Variants in ESRRG observed in about 807,000 individuals in gnomAD.
ESRRG encodes estrogen related receptor gamma.
A neutral mutation model predicts 44.0 loss-of-function variants in ESRRG; 13 were observed. The ratio of observed to expected loss-of-function variants is 0.30; its 90% CI spans 0.19 to 0.47. The LOEUF (loss-of-function observed/expected upper bound fraction) is 0.47, where lower values mean the gene tolerates loss of function less well. ESRRG is among the 20% of genes least tolerant of loss of function. The probability of loss-of-function intolerance (pLI) is 1.00; values close to 1 mark genes in which losing one functional copy is unlikely to be tolerated. For missense variants in ESRRG, 395 were observed against 580.6 expected (o/e 0.68, Z 3.29); for synonymous variants, 215 against 214.6 (o/e 1.00, Z -0.02).
At chr1:216,666,274 A>G (rs2073899555) in intron 2 of ESRRG, among the ~76,000 whole-genome samples, 1 of 152,256 alleles carries the variant, frequency 6.6e-6, no homozygotes, top group African/African-American at 2.4e-5. Flanking sequence ...TCCTACATTT[A>G]GAGTGAACAT....
Position 216,506,858 on chromosome 1 carries a change from C to G in ESRRG, c.*81G>C. 1 of 1,495,340 alleles carries G rather than the reference C, an allele frequency of 6.7e-7. No individual in the cohort carries two copies. Among genetic ancestry groups the G allele is most frequent in the Non-Finnish European group, 9.0e-7 (1 of 1,106,650 alleles). 92.6% of individuals were successfully genotyped at this position (1,495,340 alleles called of 1,614,324 possible). ...TTGATTTTTGATGTTGTTAACTAAA[C>G]TCTAAGTTTCTTCGACATCACTCTT... is the stretch of plus-strand genomic sequence containing the variant. On this transcript the variant is annotated 3_prime_UTR_variant, in exon 7 of 7. Coordinates refer to ENST00000408911, the MANE Select transcript of ESRRG (RefSeq NM_001438.4).
At chr1:217,043,657 T>A (rs1579986903) in intron 1 of ESRRG, among the ~76,000 whole-genome samples, 2 of 151,420 alleles carry the variant, frequency 1.3e-5, no homozygotes, top group Middle Eastern at 3.4e-3. Flanking sequence ...TAATGGGGAT[T>A]TTTTTGCACC....
At chr1:216,874,834 A>G (rs936214325) in intron 2 of ESRRG, among the ~76,000 whole-genome samples, 3 of 152,180 alleles carry the variant, frequency 2.0e-5, no homozygotes, top group African/African-American at 7.2e-5. Context: ...AAGATGGAAG[A>G]GCAGACTTGC....
intron 1 of ESRRG, among the ~76,000 whole-genome samples, chr1:217,063,678 G>A (rs2089040014): frequency 6.6e-6 from 1 of 152,182 alleles, no homozygotes. Context: ...GAGCACCACA[G>A]GGTGGGAAGA....
intron 1 of ESRRG, among the ~76,000 whole-genome samples, chr1:216,705,352 GA>G (rs71556662): frequency 0.16 from 23,963 of 151,432 alleles, 2,328 homozygotes; most frequent in South Asian, 0.33. Context: ...ATCTAGTAAG[GA>G]AAAAAAGGAC....
intron 2 of ESRRG, among the ~76,000 whole-genome samples, chr1:216,920,308 A>G (rs545007301): frequency 1.1e-4 from 16 of 152,236 alleles, no homozygotes; most frequent in Non-Finnish European, 2.2e-4. Flanking sequence ...GAGTTGATCA[A>G]GATAATCAAC....
At chr1:216,872,633 A>G (rs1404482242) in intron 2 of ESRRG, among the ~76,000 whole-genome samples, 1 of 152,094 alleles carries the variant, frequency 6.6e-6, no homozygotes, top group Non-Finnish European at 1.5e-5. Flanking sequence ...GTATTCTTCA[A>G]TTCTAAAATT....
At chr1:216,556,066 C>T (rs1436930496) in intron 5 of ESRRG, among the ~76,000 whole-genome samples, 1 of 152,136 alleles carries the variant, frequency 6.6e-6, no homozygotes, top group Non-Finnish European at 1.5e-5. Context: ...CTTTTTTAAT[C>T]AAGCATTTAA....
At chr1:216,796,782 C>T (rs1033514622) in intron 2 of ESRRG, among the ~76,000 whole-genome samples, 1 of 151,950 alleles carries the variant, frequency 6.6e-6, no homozygotes, top group Non-Finnish European at 1.5e-5. Flanking sequence ...AAGCCAGAAA[C>T]TTCTTGGTTG....
intron 2 of ESRRG, among the ~76,000 whole-genome samples, chr1:216,733,105 G>A (rs990459598): frequency 5.9e-5 from 9 of 151,756 alleles, no homozygotes; most frequent in African/African-American, 2.2e-4. Flanking sequence ...TACCATATTT[G>A]CTTACAGTTT....
chr1:216,967,504 A>G (rs2070707191), intron 1 of ESRRG, among the ~76,000 whole-genome samples: 1 of 152,090 alleles, frequency 6.6e-6, no homozygotes, highest in Non-Finnish European at 1.5e-5. Context: ...GCCTTTTCAA[A>G]TTTGCTTCTT....
chr1:216,849,853 T>C (rs1309257102), intron 2 of ESRRG, among the ~76,000 whole-genome samples: 2 of 152,148 alleles, frequency 1.3e-5, no homozygotes, highest in African/African-American at 4.8e-5. Context: ...TCCCAGACCA[T>C]GTCTTGGGTT....
At chr1:216,934,065 T>A (rs1488981810) in intron 2 of ESRRG, among the ~76,000 whole-genome samples, 1 of 152,196 alleles carries the variant, frequency 6.6e-6, no homozygotes, top group Non-Finnish European at 1.5e-5. Context: ...ATTTTGTGTA[T>A]CATCCTTTCT....
At chr1:216,968,228 A>C (rs1364357773) in intron 1 of ESRRG, among the ~76,000 whole-genome samples, 1 of 152,138 alleles carries the variant, frequency 6.6e-6, no homozygotes, top group Non-Finnish European at 1.5e-5. Context: ...ACAGGGAAGA[A>C]ATTTTTAAGT....
rs141678023 is a variant in ESRRG, at chr1:216,888,109, T to A, written c.-14+51473A>T. ...ATTTACTGAGGTCCTCTCATCAAAT[T>A]AGCCCTGAAACAATGCAATTTTTCC... On this transcript the variant is annotated intron_variant, in intron 2 of 7. Coordinates refer to the ESRRG transcript ENST00000359162. Among the ~76,000 whole-genome samples the A allele has an allele frequency of 3.0e-3, 462 of 152,298 alleles. 3 individuals carry two copies. The highest frequency in any genetic ancestry group is 0.02 in the Middle Eastern group (6 of 294).
chr1:216,694,376 C>G (rs1341383467), intron 1 of ESRRG, among the ~76,000 whole-genome samples: 1 of 151,908 alleles, frequency 6.6e-6, no homozygotes, highest in Admixed American at 6.6e-5. Context: ...GATATGGAAT[C>G]AGAAATGGGT....
At chr1:216,978,247 T>C (rs1377427536) in intron 1 of ESRRG, among the ~76,000 whole-genome samples, 3 of 152,180 alleles carry the variant, frequency 2.0e-5, no homozygotes, top group Non-Finnish European at 2.9e-5. Context: ...AAAAGTTTTA[T>C]TGGGACACAG....
intron 1 of ESRRG, among the ~76,000 whole-genome samples, chr1:216,682,380 G>T (rs1322629495): frequency 6.6e-6 from 1 of 152,092 alleles, no homozygotes; most frequent in African/African-American, 2.4e-5. Context: ...ATCCTTAAGG[G>T]CCTGGAAAGG....
intron 1 of ESRRG, among the ~76,000 whole-genome samples, chr1:216,977,341 T>TATACACACACACAC (rs146010546): frequency 0.017 from 2,515 of 144,014 alleles, 46 homozygotes; most frequent in African/African-American, 0.041. Context: ...GGAGGATACA[T>TATACACACACACAC]ACACACACAC....
Sources: gnomAD v4.1 joint callset for allele counts (sites outside exome capture counted in the v4.1 genomes callset) on GRCh38, gnomAD v4.1.1 for gene constraint, MANE v1.5 for transcripts, NCBI Gene and HGNC (gene_info 2026-07-23, HGNC 2026-07-21) for gene names.